Variants in MDC1 observed in about 807,000 individuals in gnomAD.
MDC1 encodes mediator of DNA damage checkpoint protein 1.
In MDC1, 81 loss-of-function variants were observed where a neutral mutation model predicts 142.5. The observed-to-expected ratio is 0.57, with a 90% confidence interval of 0.47 to 0.68. The LOEUF is 0.68. MDC1 is among the 30% of genes least tolerant of loss of function. The pLI, the probability that MDC1 is intolerant of heterozygous loss-of-function variation, is 0.00. For synonymous variants in MDC1, 797 were observed against 968.4 expected, an observed-to-expected ratio of 0.82 and a Z score of 3.29; for missense variants, 2,119 against 2,547.9, an observed-to-expected ratio of 0.83 and a Z score of 3.62.
At position 30,703,259 on chromosome 6, in the gene MDC1, G is replaced by A. The variant is rs747584377; in HGVS notation, c.5710C>T (p.Arg1904Trp). 8 of 1,612,658 alleles carry A rather than the reference G, an allele frequency of 5.0e-6. No individual in the cohort carries two copies. Among genetic ancestry groups the A allele is most frequent in the East Asian group, 4.5e-5 (2 of 44,868 alleles). ...AGTGCCAGCACAGCCCGCTCTCCCC[G>A]AGCATCCACCACTCCTGTGAAGAGC... is the stretch of plus-strand genomic sequence containing the variant. The part of the protein sequence containing the change: ...KVLFTGVVDA[R>W]GERAVLALGG... The change falls in exon 12 of 15, where the codon CGG (arginine) becomes TGG (tryptophan). Residue 1904 changes from arginine (R) to tryptophan (W), a missense_variant. Arg to Trp is a moderately radical substitution (Grantham distance 101). Transcript: ENST00000376406. This position sits in a 1 kb window ranked among gnomAD's most constrained non-coding sequence, Gnocchi z 4.4.
chr6:30,704,766 C>G lies in MDC1; in HGVS notation c.4417G>C (p.Ala1473Pro), dbSNP rs1325086186. The G allele has an allele frequency of 1.2e-6, 2 of 1,609,624 alleles. No homozygotes were observed. The highest frequency in any genetic ancestry group is 1.7e-5 in the Admixed American group (1 of 59,468). ...GATCTATCTGTTCTTCCCCTAGTAG[C>G]CTGAGACGTAGGCTCAGGGGTAACA... ...QPVTPEPTSQ[A>P]TRGRTDRSSV... is the part of the protein sequence containing the mutation. Residue 1473 changes from alanine to proline, a missense_variant, in exon 10 of 15, where the codon GCT becomes CCT. Ala to Pro is a conservative substitution (Grantham distance 27). Transcript: ENST00000376406.
chr6:30,703,578 G>A lies in MDC1; in HGVS notation c.5563-41C>T. 1 of 1,612,652 alleles carries A rather than the reference G, an allele frequency of 6.2e-7. No individual in the cohort carries two copies. The highest frequency in any genetic ancestry group is 8.5e-7 in the Non-Finnish European group (1 of 1,179,764). ...ATCTTGGTGGGAGTTTCAGAGCCCT[G>A]AAGTCATTTTTCCCAGCTTTGTGGT... On this transcript the variant is annotated intron_variant, in intron 10 of 14. Coordinates refer to ENST00000376406, the MANE Select transcript of MDC1 (RefSeq NM_014641.3). This position sits in a 1 kb window ranked among gnomAD's most constrained non-coding sequence, Gnocchi z 4.4.
chr6:30,712,919 G>A lies in MDC1; in HGVS notation c.1023C>T (p.Thr341=). ...TCTTCTTCATAGGAATGACAACTGG[G>A]GTTGCTGGGATCCTCTCTTCTTCCG... The part of the protein sequence containing the change: ...TDAEEERIPA[T]PVVIPMKKRK... The change falls in exon 5 of 15, where the codon ACC becomes ACT. Residue 341 remains threonine (T), a synonymous_variant. Coordinates refer to ENST00000376406, the MANE Select transcript of MDC1 (RefSeq NM_014641.3). This position sits in a 1 kb window ranked among gnomAD's most constrained non-coding sequence, Gnocchi z 4.7. 1 of 1,613,076 alleles carries A rather than the reference G, an allele frequency of 6.2e-7. No individual in the cohort carries two copies. Among genetic ancestry groups the A allele is most frequent in the Non-Finnish European group, 8.5e-7 (1 of 1,180,038 alleles).
In MDC1 at chr6:30,712,995, ACCTCAGCTGG is replaced by A; in HGVS notation, c.937_946del (p.Pro313SerfsTer32). 1 of 1,612,732 alleles carries A rather than the reference ACCTCAGCTGG, an allele frequency of 6.2e-7. No individual in the cohort carries two copies. Among genetic ancestry groups the A allele is most frequent in the Non-Finnish European group, 8.5e-7 (1 of 1,179,864 alleles). On this transcript the variant is annotated frameshift_variant, in exon 5 of 15. Transcript: ENST00000376406. LOFTEE classifies it high-confidence loss of function. The surrounding 1 kb of genome is among the most constrained non-coding windows in gnomAD (Gnocchi z 4.7). ...AAAAGGCTGAGCCCTTTCCAAATGG[ACCTCAGCTGG>A]CCTTCCAGGAGGCCTGCTGTCATCA...
At position 30,704,787 on chromosome 6, in the gene MDC1, T is replaced by C. The variant is rs1033514189; in HGVS notation, c.4396A>G (p.Thr1466Ala). Residue 1466 changes from threonine (T) to alanine (A), a missense_variant, in exon 10 of 15, where the codon ACC becomes GCC. Coordinates refer to ENST00000376406, the MANE Select transcript of MDC1 (RefSeq NM_014641.3). ...GTAGCCTGAGACGTAGGCTCAGGGGTAACAGGCTGGTCTGTGGAGGTGGAA... is the reference window on the plus strand; with the variant it reads ...GTAGCCTGAGACGTAGGCTCAGGGGCAACAGGCTGGTCTGTGGAGGTGGAA... ...QPSTSTDQPV[T>A]PEPTSQATRG... 2 of 1,612,258 alleles carry C rather than the reference T, an allele frequency of 1.2e-6. No homozygotes were observed. Among genetic ancestry groups the C allele is most frequent in the South Asian group, 1.1e-5 (1 of 90,988 alleles).
chr6:30,712,336 T>A lies in MDC1; in HGVS notation c.1606A>T (p.Ile536Leu), dbSNP rs779816581. 6.2e-7 allele frequency: 1 copy of A among 1,613,122 alleles called. No homozygotes were observed. Among genetic ancestry groups the A allele is most frequent in the South Asian group, 1.1e-5 (1 of 91,084 alleles). Residue 536 changes from isoleucine to leucine, a missense_variant, in exon 5 of 15, where the codon ATA (isoleucine) becomes TTA (leucine). By Grantham distance (5) the Ile-to-Leu change is conservative. Transcript: ENST00000376406. This position sits in a 1 kb window ranked among gnomAD's most constrained non-coding sequence, Gnocchi z 4.7. Reference protein sequence around the residue: ...EKEVPPGSAIIHIKKHQVSVE... With the variant: ...EKEVPPGSAILHIKKHQVSVE... Reference sequence around the variant, plus strand: ...GACACCTGATGCTTCTTTATATGTATAATGGCTGACCCTGGCGGGACTTCC... The same window carrying A: ...GACACCTGATGCTTCTTTATATGTAAAATGGCTGACCCTGGCGGGACTTCC...
chr6:30,702,354 G>A (rs2127657108), intron 14 of MDC1, among the ~76,000 whole-genome samples, 199 bp downstream of exon 14: 1 of 151,912 alleles, frequency 6.6e-6, no homozygotes. Context: ...CTGAATCTCG[G>A]TGATTGTTAT....
rs1479894797 is a variant in MDC1 at position 30,707,764 on chromosome 6, T to A, written c.2815A>T (p.Lys939Ter). 2 of 1,613,024 alleles carry A rather than the reference T, an allele frequency of 1.2e-6. No individual in the cohort carries two copies. The highest frequency in any genetic ancestry group is 1.7e-6 in the Non-Finnish European group (2 of 1,180,036). The change falls in exon 8 of 15, where the codon AAA becomes TAA. Residue 939 changes from lysine to a stop codon, truncating the protein, a stop_gained. Coordinates refer to ENST00000376406, the MANE Select transcript of MDC1 (RefSeq NM_014641.3). LOFTEE classifies it high-confidence loss of function. ...TGTGTATCTCTCTCCAGGATCACTT[T>A]GGGCACCTTCTCTTCTAACTCGGCT... ...DPAELEEKVP[K>*]VILERDTQRG...
intron 7 of MDC1, among the ~76,000 whole-genome samples, chr6:30,711,097 G>A (rs1423971379): frequency 4.6e-5 from 7 of 152,216 alleles, no homozygotes; most frequent in African/African-American, 7.2e-5. Context: ...AACGCAGGCC[G>A]GGCGCAGTGG....
In MDC1 at chr6:30,703,639, CTCTGCAGTATCT is replaced by C; in HGVS notation, c.5532_5543del (p.Asp1845_Glu1848del). 1 of 1,585,420 alleles carries C rather than the reference CTCTGCAGTATCT, an allele frequency of 6.3e-7. No homozygotes were observed. Among genetic ancestry groups the C allele is most frequent in the South Asian group, 1.2e-5 (1 of 86,370 alleles). On this transcript the variant is annotated inframe_deletion, in exon 10 of 15. Transcript: ENST00000376406. This position sits in a 1 kb window ranked among gnomAD's most constrained non-coding sequence, Gnocchi z 4.4. ...TCCTCACCTCTTCCTTCCCTGGCTT[CTCTGCAGTATCT>C]TCTTCCTCTTCCTTGATAATCACTG...
At chr6:30,707,346 TGA>T in intron 9 of MDC1, 36 bp downstream of exon 9, 1 of 1,583,768 alleles carries the variant, frequency 6.3e-7, no homozygotes, top group Non-Finnish European at 8.7e-7. Flanking sequence ...GATATAGAGA[TGA>T]CTTGTGGAAT....
At chr6:30,701,895 C>T (rs1276999853) in intron 14 of MDC1, among the ~76,000 whole-genome samples, 2 of 151,008 alleles carry the variant, frequency 1.3e-5, no homozygotes, top group African/African-American at 4.9e-5. Flanking sequence ...TAAAATATTT[C>T]AGCAAAGAAA....
intron 8 of MDC1, 53 bp downstream of exon 8, chr6:30,707,513 T>C: frequency 1.2e-6 from 2 of 1,612,964 alleles, no homozygotes; most frequent in East Asian, 2.2e-5. Context: ...GCCCAGGGGT[T>C]GATTATCACG....
rs774338642 is a variant in MDC1 at position 30,703,540 on chromosome 6, G to C, written c.5563-3C>G. 20 of 1,612,938 alleles carry C rather than the reference G, an allele frequency of 1.2e-5. No homozygotes were observed. The highest frequency in any genetic ancestry group is 1.6e-5 in the Non-Finnish European group (19 of 1,180,016). ...CCTGGTTTTGGAGTCACGACATCCT[G>C]AGATTGAGAAAAATCTTGGTGGGAG... On this transcript the variant is annotated splice_region_variant and splice_polypyrimidine_tract_variant and intron_variant, in intron 10 of 14. Coordinates refer to ENST00000376406, the MANE Select transcript of MDC1 (RefSeq NM_014641.3). The surrounding 1 kb of genome is among the most constrained non-coding windows in gnomAD (Gnocchi z 4.4).
Position 30,707,746 on chromosome 6 carries a change from C to G in MDC1, c.2833G>C (p.Asp945His), listed in dbSNP as rs1260988837. 1.9e-6 allele frequency: 3 copies of G among 1,612,966 alleles called. No homozygotes were observed. The South Asian group carries it at 3.3e-5, about 18-fold the overall frequency. The change falls in exon 8 of 15, where the codon GAT becomes CAT. Residue 945 changes from aspartate to histidine, a missense_variant. Physicochemically the swap from Asp to His is moderately conservative, Grantham distance 81. Coordinates refer to ENST00000376406, the MANE Select transcript of MDC1 (RefSeq NM_014641.3). ...CCCTCTGGCTCCCCTCTCTGTGTATCTCTCTCCAGGATCACTTTGGGCACC... is the reference window on the plus strand; with the variant it reads ...CCCTCTGGCTCCCCTCTCTGTGTATGTCTCTCCAGGATCACTTTGGGCACC... Reference protein sequence around the residue: ...EKVPKVILERDTQRGEPEGGS... With the variant: ...EKVPKVILERHTQRGEPEGGS...
rs1244508767 is a variant in MDC1, at chr6:30,716,434, G to C, written c.-4+811C>G. Among the ~76,000 whole-genome samples the C allele has an allele frequency of 6.6e-6, 1 of 152,008 alleles. No homozygotes were observed. Among genetic ancestry groups the C allele is most frequent in the Non-Finnish European group, 1.5e-5 (1 of 67,994 alleles). ...AGACGGGGTTTCACCACGGTCTCGA[G>C]CTCCTGACCTCAGGTGATCCGCCCA... On this transcript the variant is annotated intron_variant, in intron 1 of 14. Transcript: ENST00000376406. This position sits in a 1 kb window ranked among gnomAD's most constrained non-coding sequence, Gnocchi z 4.4.
chr6:30,712,107 G>A lies in MDC1; in HGVS notation c.1835C>T (p.Ala612Val). ...AGCTCTCTCCTGCTTAAGAACAGCT[G>A]CAGCCCACTCTGCCCCAGCATCCCC... Reference protein sequence around the residue: ...AEGDAGAEWAAAVLKQERAHE... With the variant: ...AEGDAGAEWAVAVLKQERAHE... The change falls in exon 5 of 15, where the codon GCA becomes GTA. Residue 612 changes from alanine to valine, a missense_variant. Coordinates refer to ENST00000376406, the MANE Select transcript of MDC1 (RefSeq NM_014641.3). The surrounding 1 kb of genome is among the most constrained non-coding windows in gnomAD (Gnocchi z 4.7). The A allele has an allele frequency of 2.5e-6, 4 of 1,604,168 alleles. No individual in the cohort carries two copies. The highest frequency in any genetic ancestry group is 2.2e-5 in the South Asian group (2 of 89,432).
Position 30,712,102 on chromosome 6 carries a change from C to G in MDC1, c.1840G>C (p.Val614Leu). The G allele has an allele frequency of 6.2e-7, 1 of 1,601,688 alleles. No individual in the cohort carries two copies. Among genetic ancestry groups the G allele is most frequent in the Non-Finnish European group, 8.5e-7 (1 of 1,174,256 alleles). The change falls in exon 5 of 15, where the codon GTT (valine) becomes CTT (leucine). Residue 614 changes from valine (V) to leucine (L), a missense_variant. Transcript: ENST00000376406. This position sits in a 1 kb window ranked among gnomAD's most constrained non-coding sequence, Gnocchi z 4.7. ...GDAGAEWAAA[V>L]LKQERAHEVG... ...TCATGAGCTCTCTCCTGCTTAAGAA[C>G]AGCTGCAGCCCACTCTGCCCCAGCA...
intron 7 of MDC1, among the ~76,000 whole-genome samples, chr6:30,708,908 A>G (rs972370326): frequency 6.6e-6 from 1 of 151,932 alleles, no homozygotes; most frequent in East Asian, 1.9e-4. Flanking sequence ...TCATAGCCTA[A>G]TATGAGTTCC....
Sources: gnomAD v4.1 joint callset for allele counts (sites outside exome capture counted in the v4.1 genomes callset) on GRCh38, gnomAD v4.1.1 for gene constraint, Gnocchi (gnomAD v3.1) non-coding constraint, MANE v1.5 for transcripts, NCBI Gene and HGNC (gene_info 2026-07-23, HGNC 2026-07-21) for gene names.